Variants in SLC12A6 observed in about 807,000 individuals in gnomAD.
SLC12A6 encodes K-Cl cotransporter 3.
Under a neutral mutation model 135.3 loss-of-function variants are expected in SLC12A6, and 66 were observed. That is an observed-to-expected ratio of 0.49 (90% CI 0.40 to 0.60). The LOEUF is 0.60. Among genes scored for constraint, SLC12A6 ranks in the 20% least tolerant of loss-of-function variants. SLC12A6 has a pLI of 0.00. For synonymous variants in SLC12A6, 513 were observed against 508.8 expected, an observed-to-expected ratio of 1.01 and a Z score of -0.11; for missense variants, 1,058 against 1,452.3, an observed-to-expected ratio of 0.73 and a Z score of 4.41.
At chr15:34,319,344 G>A (rs1888893520) in intron 2 of SLC12A6, among the ~76,000 whole-genome samples, 1 of 151,220 alleles carries the variant, frequency 6.6e-6, no homozygotes, top group Admixed American at 6.6e-5. Flanking sequence ...GTCTCACCAC[G>A]TTGGTCAGGC....
intron 2 of SLC12A6, among the ~76,000 whole-genome samples, chr15:34,289,501 G>A (rs2140960995): frequency 6.6e-6 from 1 of 152,336 alleles, no homozygotes; most frequent in African/African-American, 2.4e-5. Flanking sequence ...CATAAAATGA[G>A]TTATGGAGGA....
chr15:34,237,380 G>C (rs1891339937), intron 22 of SLC12A6, 39 bp downstream of exon 22: 1 of 1,590,250 alleles, frequency 6.3e-7, no homozygotes, highest in Admixed American at 1.7e-5. Flanking sequence ...AGAGGAATGG[G>C]GGAATGAACC....
At chr15:34,327,987 G>C (rs968595116) in intron 2 of SLC12A6, among the ~76,000 whole-genome samples, 1 of 151,746 alleles carries the variant, frequency 6.6e-6, no homozygotes, top group Non-Finnish European at 1.5e-5. Context: ...TCAAGGCCAC[G>C]ACAAATATAA....
intron 2 of SLC12A6, among the ~76,000 whole-genome samples, chr15:34,282,241 A>T (rs1894740256): frequency 6.6e-6 from 1 of 152,244 alleles, no homozygotes; most frequent in African/African-American, 2.4e-5. Context: ...AAATCTATTT[A>T]ATAGATAAGT....
At chr15:34,307,727 A>G (rs950127192) in intron 2 of SLC12A6, among the ~76,000 whole-genome samples, 1 of 152,036 alleles carries the variant, frequency 6.6e-6, no homozygotes, top group African/African-American at 2.4e-5. Context: ...GGTATATGTA[A>G]TTTTTTTTAC....
intron 21 of SLC12A6, among the ~76,000 whole-genome samples, 156 bp downstream of exon 21, chr15:34,238,074 CTT>C (rs1891394013): frequency 6.6e-6 from 1 of 152,180 alleles, no homozygotes; most frequent in South Asian, 2.1e-4. Context: ...AATGATTTCT[CTT>C]GTTTGAAAGT....
In SLC12A6 at chr15:34,240,649, C is replaced by T. The variant is rs1438370775; in HGVS notation, c.2436+12G>A. On this transcript the variant is annotated intron_variant, in intron 19 of 25. Coordinates refer to ENST00000354181, the MANE Select transcript of SLC12A6 (RefSeq NM_001365088.1). ...AAACTGAGTTCCAATACCTCAAAAG[C>T]CTGACTCTTACCTGCTCAGCAGCTA... 5.3e-5 allele frequency: 85 copies of T among 1,611,910 alleles called. 1 individual carries two copies. Among genetic ancestry groups the T allele is most frequent in the Non-Finnish European group, 6.7e-5 (79 of 1,178,092 alleles).
At position 34,230,826 on chromosome 15, in the gene SLC12A6, A is replaced by G. The variant is rs1890875040; in HGVS notation, c.*3055T>C. The G allele has an allele frequency of 6.7e-6, 1 of 150,264 alleles. No individual in the cohort carries two copies. Among genetic ancestry groups the G allele is most frequent in the African/African-American group, 2.5e-5 (1 of 39,668 alleles). 9.3% of individuals were successfully genotyped at this position (150,264 alleles called of 1,614,324 possible). The stretch of plus-strand genomic sequence containing the variant: ...CCTAATAACCAGTTTTCCATGTAAC[A>G]GTGATTTTGTGTTTCGGGCTGAAGC... On this transcript the variant is annotated 3_prime_UTR_variant, in exon 26 of 26. Transcript: ENST00000354181.
At chr15:34,265,717 G>C (rs943760296) in intron 3 of SLC12A6, among the ~76,000 whole-genome samples, 4 of 152,160 alleles carry the variant, frequency 2.6e-5, no homozygotes. Flanking sequence ...CTTGTGAGCT[G>C]GTATAAGCTG....
chr15:34,264,934 T>C (rs939771210), intron 3 of SLC12A6, among the ~76,000 whole-genome samples: 15 of 152,320 alleles, frequency 9.8e-5, no homozygotes, highest in South Asian at 6.2e-4. Flanking sequence ...CAGTGGCTCA[T>C]GCCTGTAATC....
At chr15:34,289,582 G>C (rs1895368000) in intron 2 of SLC12A6, among the ~76,000 whole-genome samples, 1 of 152,292 alleles carries the variant, frequency 6.6e-6, no homozygotes, top group Non-Finnish European at 1.5e-5. Context: ...ACCTCTGGTA[G>C]AATCTGGCTG....
At chr15:34,296,919 CTTGTG>C (rs1895913481) in intron 2 of SLC12A6, among the ~76,000 whole-genome samples, 2 of 152,282 alleles carry the variant, frequency 1.3e-5, no homozygotes, top group South Asian at 4.1e-4. Context: ...AACTGTTTTA[CTTGTG>C]TTATTTGTAT....
In SLC12A6 at chr15:34,245,344, G is replaced by T. The variant is rs2140689734; in HGVS notation, c.1884C>A (p.Ala628=). 4 of 1,613,722 alleles carry T rather than the reference G, an allele frequency of 2.5e-6. No individual in the cohort carries two copies. The highest frequency in any genetic ancestry group is 3.4e-6 in the Non-Finnish European group (4 of 1,179,614). The change falls in exon 15 of 26, where the codon GCC becomes GCA. Residue 628 remains alanine (A), a synonymous_variant. Coordinates refer to ENST00000354181, the MANE Select transcript of SLC12A6 (RefSeq NM_001365088.1). ...CAATGAGTATTCCAAGCTCTGCAAT[G>T]GCAGCAGTTAGAAGTAAAGCCCAGG... ...EPTWALLLTA[A]IAELGILIAS...
chr15:34,302,787 A>C (rs1896343939), intron 2 of SLC12A6, among the ~76,000 whole-genome samples: 1 of 151,746 alleles, frequency 6.6e-6, no homozygotes, highest in African/African-American at 2.4e-5. Flanking sequence ...TTGTCTCTAC[A>C]AAAAAATTAA....
chr15:34,329,596 A>G (rs1889702778), intron 2 of SLC12A6, among the ~76,000 whole-genome samples: 1 of 152,182 alleles, frequency 6.6e-6, no homozygotes, highest in Non-Finnish European at 1.5e-5. Flanking sequence ...GAGGACACAG[A>G]AGAGACCACC....
At chr15:34,258,682 CCAGAACAG>C in intron 5 of SLC12A6, 123 bp downstream of exon 5, 1 of 821,658 alleles carries the variant, frequency 1.2e-6, no homozygotes, top group Non-Finnish European at 2.1e-6. Flanking sequence ...ACGCTGGTGC[CCAGAACAG>C]TTCCAGGCAC....
intron 2 of SLC12A6, among the ~76,000 whole-genome samples, chr15:34,328,515 T>C (rs565629621): frequency 1.3e-5 from 2 of 152,354 alleles, no homozygotes; most frequent in South Asian, 2.1e-4. Flanking sequence ...AGGTGCTGTA[T>C]GCATGTGTAT....
intron 2 of SLC12A6, among the ~76,000 whole-genome samples, chr15:34,311,223 A>C (rs187394777): frequency 6.6e-6 from 1 of 152,308 alleles, no homozygotes; most frequent in African/African-American, 2.4e-5. Flanking sequence ...TTATCAATTC[A>C]AATCTGCCTA....
Position 34,238,398 on chromosome 15 carries a change from G to C in SLC12A6, c.2636C>G (p.Thr879Arg). 1 of 1,611,952 alleles carries C rather than the reference G, an allele frequency of 6.2e-7. No homozygotes were observed. The highest frequency in any genetic ancestry group is 1.3e-5 in the African/African-American group (1 of 75,012). ...ATGGGCAGCAGTTGTCACTCGAACTGTGCCTAGGGAGAAAAAAGAATAAGC... is the reference window on the plus strand; with the variant it reads ...ATGGGCAGCAGTTGTCACTCGAACTCTGCCTAGGGAGAAAAAAGAATAAGC... Reference protein sequence around the residue: ...DARAWKTFIGTVRVTTAAHLA... With the variant: ...DARAWKTFIGRVRVTTAAHLA... The change falls in exon 21 of 26, where the codon ACA becomes AGA. Residue 879 changes from threonine (T) to arginine (R), a missense_variant. Thr to Arg is a moderately conservative substitution (Grantham distance 71). Around this residue, in one of 6 missense-constraint regions of SLC12A6, gnomAD observed 245 missense variants for 440.8 expected, o/e 0.56. Coordinates refer to ENST00000354181, the MANE Select transcript of SLC12A6 (RefSeq NM_001365088.1).
Sources: allele counts gnomAD v4.1 joint callset (sites outside exome capture counted in the v4.1 genomes callset), GRCh38; gene constraint gnomAD v4.1.1; regional missense constraint gnomAD v4.1.1; transcripts MANE v1.5; gene names NCBI Gene and HGNC (gene_info 2026-07-23, HGNC 2026-07-21).